The following XIRP1 variants were observed in gnomAD, a reference collection of about 807,000 sequenced individuals.
XIRP1 encodes the protein xin actin binding repeat containing 1.
For missense variants in XIRP1, 2,378 were observed against 2,345.4 expected, an observed-to-expected ratio of 1.01 and a Z score of -0.29; for synonymous variants, 984 against 947.0, an observed-to-expected ratio of 1.04 and a Z score of -0.72.
In XIRP1 at chr3:39,186,172, C is replaced by A; in HGVS notation, c.3274G>T (p.Gly1092Cys). The A allele has an allele frequency of 6.2e-7, 1 of 1,613,792 alleles. No individual in the cohort carries two copies. Among genetic ancestry groups the A allele is most frequent in the Admixed American group, 1.7e-5 (1 of 59,972 alleles). Residue 1092 changes from glycine (G) to cysteine (C), a missense_variant, in exon 2 of 2, where the codon GGT (glycine) becomes TGT (cysteine). Gly to Cys is a radical substitution (Grantham distance 159, BLOSUM62 -3). Coordinates refer to ENST00000340369, the MANE Select transcript of XIRP1 (RefSeq NM_194293.4). Reference sequence around the variant, plus strand: ...TGGGTAGCCCCAGCTTTCCGAAGACCGTCCTGGATGGGGTTGGAAGTGGCT... The same window carrying A: ...TGGGTAGCCCCAGCTTTCCGAAGACAGTCCTGGATGGGGTTGGAAGTGGCT... ...PTATSNPIQD[G>C]LRKAGATQSN...
chr3:39,187,882 C>G lies in XIRP1; in HGVS notation c.1564G>C (p.Asp522His), dbSNP rs749546175. The G allele has an allele frequency of 6.8e-6, 11 of 1,614,110 alleles. No individual in the cohort carries two copies. The highest frequency in any genetic ancestry group is 1.7e-5 in the Admixed American group (1 of 60,014). The change falls in exon 2 of 2, where the codon GAC (aspartate) becomes CAC (histidine). Residue 522 changes from aspartate to histidine, a missense_variant. Transcript: ENST00000340369. ...YRWMFETQPL[D>H]QLGRSPSTID... ...GTACTGGGGCTTCGGCCGAGCTGGT[C>G]TAGGGGCTGTGTCTCAAACATCCAC...
Position 39,187,990 on chromosome 3 carries a change from T to C in XIRP1, c.1456A>G (p.Met486Val). 2 of 1,614,220 alleles carry C rather than the reference T, an allele frequency of 1.2e-6. No individual in the cohort carries two copies. The highest frequency in any genetic ancestry group is 1.7e-6 in the Non-Finnish European group (2 of 1,180,046). Reference protein sequence around the residue: ...AQGIGSPVYAMQDSKGRLHAL... With the variant: ...AQGIGSPVYAVQDSKGRLHAL... ...TGGAGGCGGCCCTTGCTGTCCTGCA[T>C]GGCATACACTGGGGACCCTATGCCC... The change falls in exon 2 of 2, where the codon ATG (methionine) becomes GTG (valine). Residue 486 changes from methionine (M) to valine (V), a missense_variant. Transcript: ENST00000340369.
In XIRP1 at chr3:39,184,484, C is replaced by A. The variant is rs148895799; in HGVS notation, c.4962G>T (p.Leu1654Phe). The change falls in exon 2 of 2, where the codon TTG becomes TTT. Residue 1654 changes from leucine to phenylalanine, a missense_variant. Coordinates refer to ENST00000340369, the MANE Select transcript of XIRP1 (RefSeq NM_194293.4). ...TRRQETSREY[L>F]CPPRVLPSSR... is the part of the protein sequence containing the mutation. Reference sequence around the variant, plus strand: ...TGGAAGGTAAAACCCGAGGAGGGCACAAATACTCTCTTGATGTCTCCTGCC... The same window carrying A: ...TGGAAGGTAAAACCCGAGGAGGGCAAAAATACTCTCTTGATGTCTCCTGCC... The A allele has an allele frequency of 1.9e-6, 3 of 1,614,074 alleles. No individual in the cohort carries two copies. The highest frequency in any genetic ancestry group is 1.1e-5 in the South Asian group (1 of 91,084).
rs549890347 is a variant in XIRP1 at position 39,189,184 on chromosome 3, C to T, written c.262G>A (p.Glu88Lys). 179 of 1,614,180 alleles carry T rather than the reference C, an allele frequency of 1.1e-4. No homozygotes were observed. Among genetic ancestry groups the T allele is most frequent in the South Asian group, 1.1e-3 (98 of 91,080 alleles). ...AEVLGSEEPTEGDVQCMRWIF... is the reference protein window; with the variant it reads ...AEVLGSEEPTKGDVQCMRWIF... ...CAGCGCATGCACTGAACGTCACCCT[C>T]GGTGGGTTCCTCAGAGCCCAGGACC... Residue 88 changes from glutamate (E) to lysine (K), a missense_variant, in exon 2 of 2, where the codon GAG becomes AAG. Coordinates refer to ENST00000340369, the MANE Select transcript of XIRP1 (RefSeq NM_194293.4).
chr3:39,192,040 C>T (rs182231929), intron 1 of XIRP1, among the ~76,000 whole-genome samples: 6 of 152,384 alleles, frequency 3.9e-5, no homozygotes, highest in Admixed American at 6.5e-5. Flanking sequence ...GGCCTACTTA[C>T]AGCCCCCTGC....
chr3:39,189,335 T>C lies in XIRP1; in HGVS notation c.111A>G (p.Pro37=). 1 of 1,380,730 alleles carries C rather than the reference T, an allele frequency of 7.2e-7. No individual in the cohort carries two copies. The highest frequency in any genetic ancestry group is 9.6e-7 in the Non-Finnish European group (1 of 1,039,868). 85.5% of individuals were successfully genotyped at this position (1,380,730 alleles called of 1,614,324 possible). ...PPALEDLPLP[P]PKESFSKFHQ... is the part of the protein sequence containing the mutation. ...GGAACTTGGAGAAGGATTCCTTGGG[T>C]GGCGGCAGTGGCAGGTCCTCCAGGG... Residue 37 remains proline (P), a synonymous_variant, in exon 2 of 2, where the codon CCA becomes CCG. Coordinates refer to ENST00000340369, the MANE Select transcript of XIRP1 (RefSeq NM_194293.4).
Position 39,188,092 on chromosome 3 carries a change from T to A in XIRP1, c.1354A>T (p.Ser452Cys). The change falls in exon 2 of 2, where the codon AGC (serine) becomes TGC (cysteine). Residue 452 changes from serine (S) to cysteine (C), a missense_variant. Coordinates refer to ENST00000340369, the MANE Select transcript of XIRP1 (RefSeq NM_194293.4). ...KNLFETLPLDSIGQGEVLAHG... is the reference protein window; with the variant it reads ...KNLFETLPLDCIGQGEVLAHG... ...GCCAGAACCTCACCCTGTCCAATGC[T>A]GTCCAAGGGAAGGGTCTCAAAAAGG... 6.2e-7 allele frequency: 1 copy of A among 1,614,216 alleles called. No homozygotes were observed. Among genetic ancestry groups the A allele is most frequent in the Non-Finnish European group, 8.5e-7 (1 of 1,180,044 alleles).
At chr3:39,191,823 G>A (rs933623496) in intron 1 of XIRP1, among the ~76,000 whole-genome samples, 4 of 152,142 alleles carry the variant, frequency 2.6e-5, no homozygotes, top group South Asian at 2.1e-4. Context: ...TCTCCCTCCC[G>A]TGAGCCCCCC....
rs144350990 is a variant in XIRP1 at position 39,187,450 on chromosome 3, C to G, written c.1996G>C (p.Glu666Gln). The G allele has an allele frequency of 6.2e-7, 1 of 1,614,126 alleles. No homozygotes were observed. Among genetic ancestry groups the G allele is most frequent in the South Asian group, 1.1e-5 (1 of 91,090 alleles). ...RQTDRHVFET[E>Q]PLQASGRPCG... The stretch of plus-strand genomic sequence containing the variant: ...GGACGGCCTGAGGCCTGAAGAGGCT[C>G]GGTCTCAAAGACGTGTCTGTCTGTC... Residue 666 changes from glutamate to glutamine, a missense_variant, in exon 2 of 2, where the codon GAG becomes CAG. Transcript: ENST00000340369.
chr3:39,189,479 G>A lies in XIRP1; in HGVS notation c.-34C>T. 6.5e-7 allele frequency: 1 copy of A among 1,544,116 alleles called. No individual in the cohort carries two copies. On this transcript the variant is annotated 5_prime_UTR_variant, in exon 2 of 2. Coordinates refer to ENST00000340369, the MANE Select transcript of XIRP1 (RefSeq NM_194293.4). ...GAAGAAGGGGCAGAGATGAGGATGG[G>A]ATTGGGAGCCTTAGATCTAGATGTT... is the stretch of plus-strand genomic sequence containing the variant.
In XIRP1 at chr3:39,188,471, A is replaced by T. The variant is rs748097232; in HGVS notation, c.975T>A (p.Asp325Glu). The stretch of plus-strand genomic sequence containing the variant: ...CTGGGGATGGCTGGAAGTCCTTCTC[A>T]TCTACCAAGATCTCCCGGATGGCAT... ...PLDAIREILV[D>E]EKDFQPSPDL... Residue 325 changes from aspartate (D) to glutamate (E), a missense_variant, in exon 2 of 2, where the codon GAT becomes GAA. Coordinates refer to ENST00000340369, the MANE Select transcript of XIRP1 (RefSeq NM_194293.4). 3 of 1,601,468 alleles carry T rather than the reference A, an allele frequency of 1.9e-6. No individual in the cohort carries two copies. Among genetic ancestry groups the T allele is most frequent in the Non-Finnish European group, 1.7e-6 (2 of 1,171,444 alleles).
Position 39,189,163 on chromosome 3 carries a change from G to T in XIRP1, c.283C>A (p.Arg95Ser). The change falls in exon 2 of 2, where the codon CGC (arginine) becomes AGC (serine). Residue 95 changes from arginine (R) to serine (S), a missense_variant. By Grantham distance (110) the Arg-to-Ser change is moderately radical. Transcript: ENST00000340369. ...EPTEGDVQCM[R>S]WIFENWRLDA... The stretch of plus-strand genomic sequence containing the variant: ...AGTCTCCAGTTCTCAAAGATCCAGC[G>T]CATGCACTGAACGTCACCCTCGGTG... 6.2e-7 allele frequency: 1 copy of T among 1,614,148 alleles called. No homozygotes were observed. The highest frequency in any genetic ancestry group is 1.7e-5 in the Admixed American group (1 of 60,034).
chr3:39,188,540 G>A lies in XIRP1; in HGVS notation c.906C>T (p.Pro302=), dbSNP rs370205359. The A allele has an allele frequency of 1.7e-5, 28 of 1,610,380 alleles. No homozygotes were observed. The Middle Eastern group carries it at 5.0e-4, about 29-fold the overall frequency. ...AGATCCAGCGAGTTGCACTGACGTC[G>A]GGCCGGGCCCCCTCCTCCAGGGAAA... is the stretch of plus-strand genomic sequence containing the variant. ...RGISLEEGAR[P]DVSATRWIFE... The change falls in exon 2 of 2, where the codon CCC becomes CCT. Residue 302 remains proline, a synonymous_variant. Transcript: ENST00000340369.
rs1423218261 is a variant in XIRP1, at chr3:39,185,091, C to A, written c.4355G>T (p.Gly1452Val). The A allele has an allele frequency of 6.5e-7, 1 of 1,527,872 alleles. No homozygotes were observed. Among genetic ancestry groups the A allele is most frequent in the South Asian group, 1.3e-5 (1 of 75,932 alleles). 94.6% of individuals were successfully genotyped at this position (1,527,872 alleles called of 1,614,324 possible). The change falls in exon 2 of 2, where the codon GGT becomes GTT. Residue 1452 changes from glycine (G) to valine (V), a missense_variant. Transcript: ENST00000340369. The part of the protein sequence containing the change: ...PGPSGEQPME[G>V]SHQGAPESPD... The stretch of plus-strand genomic sequence containing the variant: ...GCTCTCAGGGGCCCCTTGGTGGGAA[C>A]CTTCCATGGGCTGCTCTCCTGAGGG...
chr3:39,184,415 C>T lies in XIRP1; in HGVS notation c.5031G>A (p.Ser1677=), dbSNP rs772765524. The part of the protein sequence containing the change: ...PSSPTFISIQ[S]ATRKPLETPS... ...GAGTCTCTAGAGGCTTCCTTGTGGCCGACTGGATGGAGATAAATGTTGGGG... is the reference window on the plus strand; with the variant it reads ...GAGTCTCTAGAGGCTTCCTTGTGGCTGACTGGATGGAGATAAATGTTGGGG... Residue 1677 remains serine (S), a synonymous_variant, in exon 2 of 2, where the codon TCG becomes TCA. Coordinates refer to ENST00000340369, the MANE Select transcript of XIRP1 (RefSeq NM_194293.4). 2.0e-5 allele frequency: 32 copies of T among 1,613,952 alleles called. No homozygotes were observed. The highest frequency in any genetic ancestry group is 8.3e-5 in the Admixed American group (5 of 59,990).
Position 39,187,891 on chromosome 3 carries a change from G to C in XIRP1, c.1555C>G (p.Gln519Glu), listed in dbSNP as rs1168578924. The change falls in exon 2 of 2, where the codon CAG (glutamine) becomes GAG (glutamate). Residue 519 changes from glutamine (Q) to glutamate (E), a missense_variant. Physicochemically the swap from Gln to Glu is conservative, Grantham distance 29. Transcript: ENST00000340369. ...VQGYRWMFET[Q>E]PLDQLGRSPS... is the part of the protein sequence containing the mutation. Reference sequence around the variant, plus strand: ...CTTCGGCCGAGCTGGTCTAGGGGCTGTGTCTCAAACATCCACCTGTAGCCC... The same window carrying C: ...CTTCGGCCGAGCTGGTCTAGGGGCTCTGTCTCAAACATCCACCTGTAGCCC... The C allele has an allele frequency of 1.9e-6, 3 of 1,614,214 alleles. No individual in the cohort carries two copies. In the South Asian group the frequency reaches 3.3e-5, roughly 18 times the overall value.
chr3:39,187,341 G>T lies in XIRP1; in HGVS notation c.2105C>A (p.Ala702Asp). The change falls in exon 2 of 2, where the codon GCC (alanine) becomes GAC (aspartate). Residue 702 changes from alanine (A) to aspartate (D), a missense_variant. Coordinates refer to ENST00000340369, the MANE Select transcript of XIRP1 (RefSeq NM_194293.4). ...QVSRQKEVFQ[A>D]LEAGKKEEQE... ...TTCTTCCTTCTTGCCTGCCTCCAGG[G>T]CCTGAAAAACCTCTTTCTGACGAGA... 1 of 1,605,190 alleles carries T rather than the reference G, an allele frequency of 6.2e-7. No homozygotes were observed. Among genetic ancestry groups the T allele is most frequent in the Non-Finnish European group, 8.5e-7 (1 of 1,174,644 alleles).
In XIRP1 at chr3:39,184,918, G is replaced by T; in HGVS notation, c.4528C>A (p.Gln1510Lys). ...AVPQLGGAAP[Q>K]APAAHQKPEA... ...GGCTTTTGGTGGGCAGCAGGAGCCTGAGGAGCAGCCCCTCCCAGCTGGGGC... is the reference window on the plus strand; with the variant it reads ...GGCTTTTGGTGGGCAGCAGGAGCCTTAGGAGCAGCCCCTCCCAGCTGGGGC... Residue 1510 changes from glutamine to lysine, a missense_variant, in exon 2 of 2, where the codon CAG becomes AAG. Coordinates refer to ENST00000340369, the MANE Select transcript of XIRP1 (RefSeq NM_194293.4). 2 of 1,582,816 alleles carry T rather than the reference G, an allele frequency of 1.3e-6. No homozygotes were observed. Among genetic ancestry groups the T allele is most frequent in the Non-Finnish European group, 1.7e-6 (2 of 1,163,070 alleles).
Position 39,188,221 on chromosome 3 carries a change from C to G in XIRP1, c.1225G>C (p.Asp409His). 6.2e-7 allele frequency: 1 copy of G among 1,614,192 alleles called. No individual in the cohort carries two copies. ...VGHLQRVDPQ[D>H]GEGHLSSDSS... ...TCACTGGATAGATGCCCCTCACCGT[C>G]CTGGGGATCCACTCGCTGTAGGTGA... Residue 409 changes from aspartate to histidine, a missense_variant, in exon 2 of 2, where the codon GAC becomes CAC. Transcript: ENST00000340369.
Sources: allele counts gnomAD v4.1 joint callset (sites outside exome capture counted in the v4.1 genomes callset), GRCh38; gene constraint gnomAD v4.1.1; transcripts MANE v1.5; gene names NCBI Gene and HGNC (gene_info 2026-07-23, HGNC 2026-07-21).